Variants in ILRUN observed in about 807,000 individuals in gnomAD.
The protein encoded by ILRUN is protein ILRUN.
In ILRUN, 3 loss-of-function variants were observed where a neutral mutation model predicts 33.8. That is an observed-to-expected ratio of 0.09 (90% confidence interval 0.04 to 0.23). The LOEUF (loss-of-function observed/expected upper bound fraction) is 0.23. ILRUN is among the 10% of genes least tolerant of loss of function. The probability of loss-of-function intolerance (pLI) is 1.00; values close to 1 mark genes in which losing one functional copy is unlikely to be tolerated. For synonymous variants in ILRUN, 124 were observed against 138.9 expected (o/e 0.89, Z 0.75); for missense variants, 210 against 375.1 (o/e 0.56, Z 3.64).
chr6:34,596,681 T>C (rs1249263250), intron 4 of ILRUN, among the ~76,000 whole-genome samples: 1 of 152,160 alleles, frequency 6.6e-6, no homozygotes. Context: ...TGGCTGAGAA[T>C]GAGCGTGAGA....
intron 3 of ILRUN, among the ~76,000 whole-genome samples, chr6:34,632,921 T>C (rs976672752): frequency 2.6e-5 from 4 of 152,144 alleles, no homozygotes; most frequent in African/African-American, 9.7e-5. Context: ...AAACATATAA[T>C]AAAGTGGTAA....
intron 1 of ILRUN, among the ~76,000 whole-genome samples, chr6:34,687,809 G>A (rs1763556803): frequency 6.6e-6 from 1 of 151,198 alleles, no homozygotes; most frequent in Admixed American, 6.6e-5. Context: ...TGGAGAAATT[G>A]CGACCAACTC....
chr6:34,614,443 A>AAAAAAAAATATAT (rs71000073), intron 3 of ILRUN, among the ~76,000 whole-genome samples: 1 of 133,598 alleles, frequency 7.5e-6, no homozygotes, highest in African/African-American at 3.1e-5. Context: ...AAAAAAAAAA[A>AAAAAAAAATATAT]ATATATATAT....
intron 1 of ILRUN, among the ~76,000 whole-genome samples, chr6:34,656,798 T>C (rs2127367317): frequency 6.6e-6 from 1 of 152,326 alleles, no homozygotes; most frequent in East Asian, 1.9e-4. Context: ...CCTCATGCAA[T>C]GGTGGCCTGT....
chr6:34,643,653 C>T (rs1448027406), intron 3 of ILRUN, among the ~76,000 whole-genome samples: 1 of 152,152 alleles, frequency 6.6e-6, no homozygotes, highest in Non-Finnish European at 1.5e-5. Flanking sequence ...ACAAAAGTGT[C>T]TTGAACTTGA....
At chr6:34,674,392 T>C (rs972855734) in intron 1 of ILRUN, among the ~76,000 whole-genome samples, 1 of 152,240 alleles carries the variant, frequency 6.6e-6, no homozygotes, top group African/African-American at 2.4e-5. Context: ...ATGTTATATA[T>C]GAGAAAGCTG....
At position 34,588,066 on chromosome 6, in the gene ILRUN, C is replaced by T. The variant is rs1276395591; in HGVS notation, c.*2499G>A. ...AGGGGCCCTAGGCATTGCTCTGAAC[C>T]CATACCAGTGAGGGGAGAGAGAATG... On this transcript the variant is annotated 3_prime_UTR_variant, in exon 5 of 5. Transcript: ENST00000374023. 1.3e-5 allele frequency: 5 copies of T among 398,586 alleles called. No individual in the cohort carries two copies. The highest frequency in any genetic ancestry group is 2.2e-5 in the Non-Finnish European group (5 of 226,138). The allele number at this position is 398,586 out of a possible 1,614,324, so 24.7% of individuals were successfully genotyped here.
intron 4 of ILRUN, among the ~76,000 whole-genome samples, chr6:34,602,826 G>T (rs1283786931): frequency 6.6e-6 from 1 of 152,156 alleles, no homozygotes; most frequent in Admixed American, 6.5e-5. Flanking sequence ...TTTGCGTTGT[G>T]GGATGCAGCT....
At chr6:34,687,222 C>T (rs1209743830) in intron 1 of ILRUN, 4 of 152,030 alleles carry the variant, frequency 2.6e-5, no homozygotes, top group Non-Finnish European at 5.9e-5. Flanking sequence ...AACAAAATTC[C>T]CCTGGGGGTG....
intron 3 of ILRUN, among the ~76,000 whole-genome samples, chr6:34,627,290 T>C (rs1351582017): frequency 6.6e-6 from 1 of 152,220 alleles, no homozygotes; most frequent in Non-Finnish European, 1.5e-5. Context: ...CACACTTTAT[T>C]TGTCCACTCA....
chr6:34,693,827 AT>A (rs1288315432), intron 1 of ILRUN, among the ~76,000 whole-genome samples: 23 of 147,582 alleles, frequency 1.6e-4, no homozygotes, highest in Admixed American at 2.7e-4. Flanking sequence ...TATATTTTTA[AT>A]TTTTTTTTTT....
In ILRUN at chr6:34,619,785, G is replaced by C. The variant is rs375832253; in HGVS notation, c.512-12881C>G. Reference sequence around the variant, plus strand: ...GGATCACCTGAGGTCAGGAGCTCAAGATCAGCCTGGCCAACATGGTGAAAC... The same window carrying C: ...GGATCACCTGAGGTCAGGAGCTCAACATCAGCCTGGCCAACATGGTGAAAC... On this transcript the variant is annotated intron_variant, in intron 3 of 4. Transcript: ENST00000374023. Among the ~76,000 whole-genome samples the C allele has an allele frequency of 2.0e-5, 3 of 152,210 alleles. No homozygotes were observed. The East Asian group carries it at 5.8e-4, about 29-fold the overall frequency.
At chr6:34,652,631 T>G (rs962961943) in intron 2 of ILRUN, among the ~76,000 whole-genome samples, 3 of 152,198 alleles carry the variant, frequency 2.0e-5, no homozygotes, top group African/African-American at 7.2e-5. Context: ...GTCACTTTTA[T>G]AGGTTTATTT....
In ILRUN at chr6:34,588,549, C is replaced by T; in HGVS notation, c.*2016G>A. ...CTGGTACCAGCAGCAGCAGTCTGGG[C>T]CTAATGAGGCCCTCAGACAAAAAGC... On this transcript the variant is annotated 3_prime_UTR_variant, in exon 5 of 5. Coordinates refer to ENST00000374023, the MANE Select transcript of ILRUN (RefSeq NM_024294.4). 1 of 247,924 alleles carries T rather than the reference C, an allele frequency of 4.0e-6. No individual in the cohort carries two copies. The highest frequency in any genetic ancestry group is 2.2e-5 in the African/African-American group (1 of 45,212). The allele number at this position is 247,924 out of a possible 1,614,324, so 15.4% of individuals were successfully genotyped here.
At chr6:34,657,715 G>C (rs548597951) in intron 1 of ILRUN, among the ~76,000 whole-genome samples, 2 of 152,196 alleles carry the variant, frequency 1.3e-5, no homozygotes, top group African/African-American at 2.4e-5. Flanking sequence ...TCAGAGTTCA[G>C]AGAATTTAAA....
chr6:34,636,340 C>G (rs1762368127), intron 3 of ILRUN, among the ~76,000 whole-genome samples: 3 of 150,878 alleles, frequency 2.0e-5, no homozygotes, highest in Admixed American at 2.0e-4. Context: ...ACTGACATTC[C>G]CTTTGTAAAT....
intron 1 of ILRUN, among the ~76,000 whole-genome samples, chr6:34,665,110 G>A (rs1762966690): frequency 6.6e-6 from 1 of 151,418 alleles, no homozygotes; most frequent in African/African-American, 2.4e-5. Context: ...AGGAGTACAG[G>A]TGCACACCAC....
In ILRUN at chr6:34,696,574, C is replaced by G; in HGVS notation, c.30G>C (p.Pro10=). ...GGCAGCTGAACTTCTGCATCAGCTC[C>G]GGGTCCAGGTCTACGTCCATGCCCT... MEGMDVDLD[P]ELMQKFSCLG... Residue 10 remains proline (P), a synonymous_variant, in exon 1 of 5, where the codon CCG becomes CCC. Coordinates refer to ENST00000374023, the MANE Select transcript of ILRUN (RefSeq NM_024294.4). 1.2e-6 allele frequency: 2 copies of G among 1,612,412 alleles called. No homozygotes were observed. The highest frequency in any genetic ancestry group is 1.7e-6 in the Non-Finnish European group (2 of 1,179,778).
intron 4 of ILRUN, among the ~76,000 whole-genome samples, chr6:34,600,018 G>A (rs1761476059): frequency 6.6e-6 from 1 of 152,146 alleles, no homozygotes. Flanking sequence ...CCACCAACCT[G>A]ATCTGAACCA....
Sources: gnomAD v4.1 joint callset for allele counts (sites outside exome capture counted in the v4.1 genomes callset) on GRCh38, gnomAD v4.1.1 for gene constraint, MANE v1.5 for transcripts, NCBI Gene and HGNC (gene_info 2026-07-23, HGNC 2026-07-21) for gene names.